Variants in CCSER1 observed in about 807,000 individuals in gnomAD.
CCSER1 encodes coiled-coil serine rich protein 1, also known as serine-rich coiled-coil domain-containing protein 1.
Under a neutral mutation model 82.0 loss-of-function variants are expected in CCSER1, and 41 were observed. The ratio of observed to expected loss-of-function variants is 0.50; its 90% confidence interval spans 0.39 to 0.65. The LOEUF (loss-of-function observed/expected upper bound fraction) is 0.65. Among genes scored for constraint, CCSER1 ranks in the 30% least tolerant of loss-of-function variants. The pLI is 0.00. For missense variants in CCSER1, 1,119 were observed against 1,064.2 expected, an observed-to-expected ratio of 1.05 and a Z score of -0.72; for synonymous variants, 414 against 383.9, an observed-to-expected ratio of 1.08 and a Z score of -0.92.
chr4:90,979,056 A>G (rs1208253228), intron 9 of CCSER1, among the ~76,000 whole-genome samples: 1 of 151,744 alleles, frequency 6.6e-6, no homozygotes, highest in African/African-American at 2.4e-5. Flanking sequence ...AAAACAAAAC[A>G]GCAATTCCTT....
chr4:90,813,233 C>T (rs1758574134), intron 7 of CCSER1, among the ~76,000 whole-genome samples: 4 of 152,054 alleles, frequency 2.6e-5, no homozygotes, highest in Admixed American at 2.6e-4. Flanking sequence ...AGGAATTGGC[C>T]AAAACAAAAG....
chr4:90,705,776 G>C (rs1739223989), intron 6 of CCSER1, among the ~76,000 whole-genome samples: 1 of 152,338 alleles, frequency 6.6e-6, no homozygotes, highest in Non-Finnish European at 1.5e-5. Flanking sequence ...TCCGAGCCAG[G>C]CTCAGAATAT....
At chr4:90,340,696 T>G (rs1655398006) in intron 3 of CCSER1, among the ~76,000 whole-genome samples, 3 of 152,164 alleles carry the variant, frequency 2.0e-5, no homozygotes, top group Admixed American at 6.5e-5. Context: ...TTCTAGCAAT[T>G]TAATAGGTTT....
intron 10 of CCSER1, among the ~76,000 whole-genome samples, chr4:91,398,169 G>A (rs1752102772): frequency 6.6e-6 from 1 of 151,688 alleles, no homozygotes; most frequent in Non-Finnish European, 1.5e-5. Flanking sequence ...AAAAATGTGT[G>A]GTCCATGGTA....
intron 8 of CCSER1, among the ~76,000 whole-genome samples, chr4:90,908,923 A>C (rs1436217351): frequency 2.0e-5 from 3 of 152,318 alleles, no homozygotes; most frequent in South Asian, 2.1e-4. Context: ...TTCCGTAACA[A>C]AGTACCACAA....
At chr4:90,655,779 G>A (rs1381048364) in intron 6 of CCSER1, among the ~76,000 whole-genome samples, 1 of 151,936 alleles carries the variant, frequency 6.6e-6, no homozygotes, top group African/African-American at 2.4e-5. Context: ...TGAAAATGGA[G>A]AATAGAAAGG....
chr4:90,284,866 C>T (rs1729577992), intron 1 of CCSER1, among the ~76,000 whole-genome samples: 1 of 151,892 alleles, frequency 6.6e-6, no homozygotes, highest in Admixed American at 6.6e-5. Context: ...TCCAGTTTTC[C>T]CAGCACCATT....
At chr4:90,393,706 TAATA>T (rs928941966) in intron 3 of CCSER1, among the ~76,000 whole-genome samples, 16 of 151,882 alleles carry the variant, frequency 1.1e-4, no homozygotes, top group African/African-American at 3.4e-4. Context: ...TTAAAAATAT[TAATA>T]AAGAGATTCA....
intron 9 of CCSER1, among the ~76,000 whole-genome samples, chr4:90,953,340 T>A (rs1219101207): frequency 7.3e-6 from 1 of 136,326 alleles, no homozygotes; most frequent in African/African-American, 2.4e-5. Context: ...AGTATTTCAT[T>A]GATTTTTTTT....
At chr4:90,785,264 CT>C (rs140747438) in intron 7 of CCSER1, among the ~76,000 whole-genome samples, 242 of 152,160 alleles carry the variant, frequency 1.6e-3, no homozygotes, top group African/African-American at 5.7e-3. Flanking sequence ...TCTGGAACTC[CT>C]GGGCTCAAGC....
chr4:91,562,649 G>A (rs1162468748), intron 10 of CCSER1, among the ~76,000 whole-genome samples: 1 of 151,498 alleles, frequency 6.6e-6, no homozygotes, highest in African/African-American at 2.4e-5. Flanking sequence ...TTGAATGAAA[G>A]TGTTCATTGT....
rs552403595 is a variant in CCSER1, at chr4:90,964,660, G to A, written c.2172+41213G>A. ...GAATGGCATGAACCCGGGAGGCAGA[G>A]CTTGCAGTGATCCGAGATTGTGCCA... On this transcript the variant is annotated intron_variant, in intron 9 of 10. Transcript: ENST00000509176. Among the ~76,000 whole-genome samples, 93 of 141,576 alleles carry A rather than the reference G, an allele frequency of 6.6e-4. 3 individuals carry two copies. The highest frequency in any genetic ancestry group is 2.2e-3 in the African/African-American group (83 of 37,418). The allele number at this position is 141,576 out of a possible 152,430, so 92.9% of individuals were successfully genotyped here. A position where few individuals can be genotyped will look rare whatever the true frequency, so the allele number is the denominator to read the frequency against.
intron 5 of CCSER1, among the ~76,000 whole-genome samples, chr4:90,539,560 A>G (rs1183894842): frequency 1.3e-5 from 2 of 152,122 alleles, no homozygotes; most frequent in East Asian, 1.9e-4. Flanking sequence ...AGCCACTGGA[A>G]TACAGACTCT....
intron 3 of CCSER1, among the ~76,000 whole-genome samples, chr4:90,394,105 T>G (rs1751621572): frequency 6.6e-6 from 1 of 151,718 alleles, no homozygotes; most frequent in South Asian, 2.1e-4. Flanking sequence ...ACTTTTTTTT[T>G]TTTTTTTCAA....
intron 9 of CCSER1, among the ~76,000 whole-genome samples, chr4:90,931,979 A>G (rs1729878929): frequency 6.6e-6 from 1 of 152,186 alleles, no homozygotes; most frequent in Non-Finnish European, 1.5e-5. Context: ...TAGAGAGCTA[A>G]AGGGAAAATA....
At chr4:91,522,594 T>C (rs894917943) in intron 10 of CCSER1, among the ~76,000 whole-genome samples, 1 of 152,210 alleles carries the variant, frequency 6.6e-6, no homozygotes, top group Admixed American at 6.5e-5. Flanking sequence ...TTCACATACC[T>C]TGTAAGTTGG....
intron 9 of CCSER1, among the ~76,000 whole-genome samples, chr4:91,040,345 T>C (rs1741853397): frequency 6.6e-6 from 1 of 152,292 alleles, no homozygotes; most frequent in South Asian, 2.1e-4. Context: ...TTAATGATTT[T>C]TGAGACATAG....
chr4:91,058,113 A>G (rs1743614025), intron 9 of CCSER1, among the ~76,000 whole-genome samples: 1 of 152,048 alleles, frequency 6.6e-6, no homozygotes, highest in Admixed American at 6.6e-5. Flanking sequence ...TTCATCACCC[A>G]GGTGTTAAGC....
At chr4:90,658,125 C>CA (rs1353059960) in intron 6 of CCSER1, among the ~76,000 whole-genome samples, 5 of 151,818 alleles carry the variant, frequency 3.3e-5, no homozygotes, top group South Asian at 2.1e-4. Flanking sequence ...CAACAAACAA[C>CA]AAAAAAACTC....
Sources: allele counts gnomAD v4.1 joint callset (sites outside exome capture counted in the v4.1 genomes callset), GRCh38; gene constraint gnomAD v4.1.1; transcripts MANE v1.5; gene names NCBI Gene and HGNC (gene_info 2026-07-23, HGNC 2026-07-21).